The following UBE2Q2 variants were observed in gnomAD, a reference collection of about 807,000 sequenced individuals.
The protein encoded by UBE2Q2 is ubiquitin-conjugating enzyme E2 Q2.
UBE2Q2 carries 54 observed loss-of-function variants against 59.9 expected under a neutral mutation model. That is an observed-to-expected ratio of 0.90 (90% confidence interval 0.72 to 1.13). The LOEUF is 1.13. UBE2Q2 is among the 50% of genes most tolerant of loss of function. The probability of loss-of-function intolerance (pLI) is 0.00; values close to 1 mark genes in which losing one functional copy is unlikely to be tolerated. For missense variants in UBE2Q2, 433 were observed against 441.9 expected (o/e 0.98, Z 0.18); for synonymous variants, 165 against 155.2 (o/e 1.06, Z -0.47).
intron 5 of UBE2Q2, among the ~76,000 whole-genome samples, chr15:75,874,076 T>C (rs78019974): frequency 2.1e-4 from 32 of 152,274 alleles, no homozygotes; most frequent in African/African-American, 7.2e-4. Context: ...GCTCTTCATA[T>C]CCTGGAACCA....
At chr15:75,870,611 G>A (rs1295223829) in intron 4 of UBE2Q2, among the ~76,000 whole-genome samples, 1 of 152,158 alleles carries the variant, frequency 6.6e-6, no homozygotes, top group African/African-American at 2.4e-5. Flanking sequence ...AACCTAGAAA[G>A]GTAGACTGGA....
In UBE2Q2 at chr15:75,866,195, C is replaced by G. The variant is rs567980448; in HGVS notation, c.388-2756C>G. Among the ~76,000 whole-genome samples, 164 of 150,630 alleles carry G rather than the reference C, an allele frequency of 1.1e-3. 4 individuals are homozygous for G. Among genetic ancestry groups the G allele is most frequent in the Non-Finnish European group, 5.6e-4 (38 of 67,698 alleles). ...TCAGTTTTACTTTTTTTTTTTGAAA[C>G]AGGGTCTTGCTCTCTTGCCCAGGCT... On this transcript the variant is annotated intron_variant, in intron 3 of 12. Transcript: ENST00000267938.
chr15:75,848,270 A>C, intron 1 of UBE2Q2, among the ~76,000 whole-genome samples: 1 of 152,360 alleles, frequency 6.6e-6, no homozygotes, highest in Non-Finnish European at 1.5e-5. Context: ...AAATAAAGCA[A>C]TGCTGTTAAC....
At chr15:75,859,364 AG>A (rs1451011293) in intron 2 of UBE2Q2, among the ~76,000 whole-genome samples, 1 of 152,158 alleles carries the variant, frequency 6.6e-6, no homozygotes, top group Non-Finnish European at 1.5e-5. Flanking sequence ...GGAATTAGAT[AG>A]GATATCCAAG....
In UBE2Q2 at chr15:75,859,905, T is replaced by A; in HGVS notation, c.310T>A (p.Cys104Ser). 1 of 1,601,154 alleles carries A rather than the reference T, an allele frequency of 6.2e-7. No individual in the cohort carries two copies. Among genetic ancestry groups the A allele is most frequent in the Non-Finnish European group, 8.5e-7 (1 of 1,176,562 alleles). Residue 104 changes from cysteine (C) to serine (S), a missense_variant, in exon 3 of 13, where the codon TGT becomes AGT. By Grantham distance (112) the Cys-to-Ser change is moderately radical. Coordinates refer to ENST00000267938, the MANE Select transcript of UBE2Q2 (RefSeq NM_173469.4). ...TCGTCAGCAATTGAAGTGGTTGATA[T>A]GTGAACTCTGCAGTTTATATAACCT... ...LLRQQLKWLI[C>S]ELCSLYNLPK...
chr15:75,865,360 G>T (rs1174697005), intron 3 of UBE2Q2, among the ~76,000 whole-genome samples: 2 of 152,198 alleles, frequency 1.3e-5, no homozygotes, highest in African/African-American at 4.8e-5. Context: ...TGTAGCTATA[G>T]TTCTTTTGCA....
intron 1 of UBE2Q2, among the ~76,000 whole-genome samples, chr15:75,845,856 G>T (rs926957165): frequency 2.6e-4 from 39 of 152,284 alleles, no homozygotes; most frequent in African/African-American, 9.1e-4. Context: ...TGATGACCTG[G>T]ATTAGGCAGT....
intron 10 of UBE2Q2, among the ~76,000 whole-genome samples, 163 bp from the exon 11 acceptor site, chr15:75,890,756 T>C (rs1899053279): frequency 6.6e-6 from 1 of 152,212 alleles, no homozygotes; most frequent in Non-Finnish European, 1.5e-5. Context: ...TTGTTGTTTT[T>C]TTTTGTGAGA....
Position 75,899,746 on chromosome 15 carries a change from C to T in UBE2Q2, c.*288C>T. 1 of 207,844 alleles carries T rather than the reference C, an allele frequency of 4.8e-6. No individual in the cohort carries two copies. Among genetic ancestry groups the T allele is most frequent in the South Asian group, 1.3e-4 (1 of 7,864 alleles). The allele number at this position is 207,844 out of a possible 1,614,324, so 12.9% of individuals were successfully genotyped here. A position where few individuals can be genotyped will look rare whatever the true frequency, so the allele number is the denominator to read the frequency against. ...TTCTTGAAAAGTGAACTTTTTAAAGCAGCCAAGTCAACATCAGGCTACTGA... is the reference window on the plus strand; with the variant it reads ...TTCTTGAAAAGTGAACTTTTTAAAGTAGCCAAGTCAACATCAGGCTACTGA... On this transcript the variant is annotated 3_prime_UTR_variant, in exon 13 of 13. Transcript: ENST00000267938.
At chr15:75,868,575 A>ATC (rs1897626111) in intron 3 of UBE2Q2, among the ~76,000 whole-genome samples, 1 of 152,208 alleles carries the variant, frequency 6.6e-6, no homozygotes, top group African/African-American at 2.4e-5. Context: ...ATTTTAAGGA[A>ATC]TCGGTAGTTT....
At chr15:75,875,140 A>G (rs1898006584) in intron 5 of UBE2Q2, among the ~76,000 whole-genome samples, 1 of 152,212 alleles carries the variant, frequency 6.6e-6, no homozygotes, top group South Asian at 2.1e-4. Context: ...GTTACTGAAC[A>G]CTTTTGCATG....
chr15:75,869,097 A>C, intron 4 of UBE2Q2, 87 bp downstream of exon 4: 1 of 1,100,122 alleles, frequency 9.1e-7, no homozygotes. Flanking sequence ...ATAGACTACT[A>C]TTAATGTGGA....
chr15:75,860,237 T>G (rs1296918535), intron 3 of UBE2Q2, among the ~76,000 whole-genome samples: 3 of 152,318 alleles, frequency 2.0e-5, no homozygotes, highest in Admixed American at 2.0e-4. Flanking sequence ...ATTGCTGGTT[T>G]CCGTAAATGC....
At chr15:75,863,384 AAG>A (rs911195089) in intron 3 of UBE2Q2, among the ~76,000 whole-genome samples, 1 of 152,058 alleles carries the variant, frequency 6.6e-6, no homozygotes, top group Non-Finnish European at 1.5e-5. Context: ...CCTCAGGACA[AAG>A]AGCAGATGGG....
At chr15:75,859,744 A>G in intron 2 of UBE2Q2, 134 bp from the exon 3 acceptor site, 1 of 563,022 alleles carries the variant, frequency 1.8e-6, no homozygotes. Context: ...ACTATTTTTT[A>G]AATCTGTAAG....
At chr15:75,883,837 C>CGT (rs1898595182) in intron 9 of UBE2Q2, among the ~76,000 whole-genome samples, 1 of 13,584 alleles carries the variant, frequency 7.4e-5, no homozygotes, top group African/African-American at 1.1e-4. Flanking sequence ...TGTATTTATA[C>CGT]ATACACACAC....
chr15:75,880,970 T>C (rs1027735988), intron 8 of UBE2Q2, among the ~76,000 whole-genome samples: 5 of 152,222 alleles, frequency 3.3e-5, no homozygotes, highest in African/African-American at 1.2e-4. Flanking sequence ...TTTCTTGAAG[T>C]GACCCAAATG....
chr15:75,844,104 G>T, intron 1 of UBE2Q2: 3 of 1,414,030 alleles, frequency 2.1e-6, no homozygotes, highest in Non-Finnish European at 2.8e-6. Flanking sequence ...CTCGGTCCCC[G>T]TCTCCTAGCC....
intron 2 of UBE2Q2, among the ~76,000 whole-genome samples, chr15:75,858,082 C>T (rs1897009729): frequency 6.6e-6 from 1 of 152,164 alleles, no homozygotes. Context: ...TTGATCTTAT[C>T]ACCCTGCCTT....
Sources: gnomAD v4.1 joint callset for allele counts (sites outside exome capture counted in the v4.1 genomes callset) on GRCh38, gnomAD v4.1.1 for gene constraint, MANE v1.5 for transcripts, NCBI Gene and HGNC (gene_info 2026-07-23, HGNC 2026-07-21) for gene names.